Variants in IGF2R observed in about 807,000 individuals in gnomAD.
IGF2R encodes insulin like growth factor 2 receptor.
In IGF2R, 91 loss-of-function variants were observed where a neutral mutation model predicts 270.6. The ratio of observed to expected loss-of-function variants is 0.34; its 90% CI spans 0.28 to 0.40. IGF2R has a LOEUF of 0.40. Ranked by LOEUF, IGF2R falls within the 10% of genes least tolerant of loss-of-function variation. The probability of loss-of-function intolerance (pLI) is 1.00; values close to 1 mark genes in which losing one functional copy is unlikely to be tolerated. For missense variants in IGF2R, 2,805 were observed against 3,188.3 expected, an observed-to-expected ratio of 0.88 and a Z score of 2.90; for synonymous variants, 1,316 against 1,258.9, an observed-to-expected ratio of 1.05 and a Z score of -0.96.
chr6:160,089,658 C>T (rs1235964605), intron 43 of IGF2R, among the ~76,000 whole-genome samples: 1 of 152,234 alleles, frequency 6.6e-6, no homozygotes, highest in Non-Finnish European at 1.5e-5. Context: ...CCGTGTGGTG[C>T]TGGATACGGC....
At chr6:160,033,318 G>A (rs1023567147) in intron 9 of IGF2R, among the ~76,000 whole-genome samples, 2 of 152,200 alleles carry the variant, frequency 1.3e-5, no homozygotes, top group African/African-American at 4.8e-5. Flanking sequence ...TGTAGTTTTT[G>A]TAGACATGGA....
At chr6:160,079,888 A>G (rs537738745) in intron 38 of IGF2R, 101 bp downstream of exon 38, 5 of 1,147,456 alleles carry the variant, frequency 4.4e-6, no homozygotes, top group African/African-American at 3.1e-5. Context: ...CCACGGTCCT[A>G]TGAGTGCTGT....
At chr6:160,096,388 G>C in intron 44 of IGF2R, 51 bp from the exon 45 acceptor site, 1 of 1,539,040 alleles carries the variant, frequency 6.5e-7, no homozygotes, top group South Asian at 1.2e-5. Context: ...AGCTCAGTCT[G>C]CTCGTGAAAA....
At chr6:160,059,166 C>G (rs1778377935) in intron 22 of IGF2R, 68 bp downstream of exon 22, 1 of 1,328,670 alleles carries the variant, frequency 7.5e-7, no homozygotes, top group African/African-American at 1.4e-5. Flanking sequence ...GGCCATGCAC[C>G]TTCCTGAGTG....
Position 159,998,630 on chromosome 6 carries a change from A to G in IGF2R, c.289+7307A>G, listed in dbSNP as rs1468596089. ...TACTATTATAAACCAGCAGTTTCCA[A>G]TCTCATTTTTTCCCCCAGATATGTG... On this transcript the variant is annotated intron_variant, in intron 2 of 47. Transcript: ENST00000356956. The surrounding 1 kb of genome is among the most constrained non-coding windows in gnomAD (Gnocchi z 4.1). Among the ~76,000 whole-genome samples the G allele has an allele frequency of 6.6e-6, 1 of 152,150 alleles. No homozygotes were observed. The highest frequency in any genetic ancestry group is 2.4e-5 in the African/African-American group (1 of 41,424).
intron 2 of IGF2R, among the ~76,000 whole-genome samples, chr6:159,996,370 G>C (rs1784053788): frequency 1.3e-5 from 2 of 152,140 alleles, no homozygotes; most frequent in Non-Finnish European, 2.9e-5. Flanking sequence ...TGTTTAATGG[G>C]GGAAGCTCTG....
chr6:159,988,577 G>A lies in IGF2R; in HGVS notation c.150-2607G>A, dbSNP rs74298102. On this transcript the variant is annotated intron_variant, in intron 1 of 47. Transcript: ENST00000356956. ...TTAGGTACGTGTGGATCTCTTTAGCGTTGATTCCTACCAGTTAACTCATTT... is the reference window on the plus strand; with the variant it reads ...TTAGGTACGTGTGGATCTCTTTAGCATTGATTCCTACCAGTTAACTCATTT... Among the ~76,000 whole-genome samples, 277 of 147,856 alleles carry A rather than the reference G, an allele frequency of 1.9e-3. 4 individuals carry two copies. The highest frequency in any genetic ancestry group is 0.016 in the Admixed American group (234 of 14,828).
At chr6:160,072,706 A>G in intron 32 of IGF2R, 59 bp from the exon 33 acceptor site, 1 of 1,606,032 alleles carries the variant, frequency 6.2e-7, no homozygotes, top group Non-Finnish European at 8.5e-7. Context: ...GCCGATGATG[A>G]GCCTCCCAAG....
chr6:160,057,950 G>A, intron 20 of IGF2R, 73 bp from the exon 21 acceptor site: 1 of 843,104 alleles, frequency 1.2e-6, no homozygotes, highest in South Asian at 1.4e-5. Flanking sequence ...GTTTCTGGAG[G>A]TGCTGTATGT....
chr6:160,088,883 A>G (rs956190342), intron 42 of IGF2R, among the ~76,000 whole-genome samples: 2 of 152,184 alleles, frequency 1.3e-5, no homozygotes, highest in Non-Finnish European at 2.9e-5. Context: ...AAGTGAGTAA[A>G]ATAACCACCC....
At chr6:160,092,350 G>A (rs1478607247) in intron 44 of IGF2R, among the ~76,000 whole-genome samples, 3 of 152,226 alleles carry the variant, frequency 2.0e-5, no homozygotes, top group East Asian at 1.9e-4. Flanking sequence ...GAGTCTTCAC[G>A]CTCCATCGCG....
At chr6:160,096,266 A>G (rs559713472) in intron 44 of IGF2R, 173 bp from the exon 45 acceptor site, 5 of 588,124 alleles carry the variant, frequency 8.5e-6, no homozygotes, top group Admixed American at 3.2e-5. Flanking sequence ...GGCTCTATCC[A>G]TGTGCATCGA....
chr6:160,019,956 C>G (rs1777394980), intron 4 of IGF2R, among the ~76,000 whole-genome samples: 1 of 152,090 alleles, frequency 6.6e-6, no homozygotes, highest in African/African-American at 2.4e-5. Flanking sequence ...GGAAGTCCTA[C>G]CTGGGGCAGT....
intron 2 of IGF2R, among the ~76,000 whole-genome samples, chr6:160,000,714 G>A (rs1171147086): frequency 2.1e-5 from 3 of 141,440 alleles, no homozygotes; most frequent in African/African-American, 8.0e-5. Context: ...GAAGATAATA[G>A]TTGGTGTGAG....
intron 31 of IGF2R, among the ~76,000 whole-genome samples, chr6:160,071,219 G>A (rs1403479965): frequency 7.2e-6 from 1 of 139,836 alleles, no homozygotes; most frequent in African/African-American, 2.7e-5. Flanking sequence ...CAGGAGGCTG[G>A]GAGGGAAGGG....
chr6:160,086,200 A>T (rs1242529195), intron 41 of IGF2R, among the ~76,000 whole-genome samples: 3 of 152,220 alleles, frequency 2.0e-5, no homozygotes, highest in African/African-American at 7.2e-5. Context: ...GGCCACCTCC[A>T]TTTGGAGAGC....
chr6:159,992,804 G>A (rs1428543830), intron 2 of IGF2R, among the ~76,000 whole-genome samples: 1 of 152,158 alleles, frequency 6.6e-6, no homozygotes, highest in Non-Finnish European at 1.5e-5. Context: ...TGGAATGGTA[G>A]TTCTATTTTT....
chr6:160,080,249 A>G lies in IGF2R; in HGVS notation c.5807A>G (p.Asp1936Gly). Residue 1936 changes from aspartate (D) to glycine (G), a missense_variant, in exon 39 of 48, where the codon GAC becomes GGC. Asp to Gly is a moderately conservative substitution (Grantham distance 94). Around this residue, in one of 2 missense-constraint regions of IGF2R, gnomAD observed 1,851 missense variants for 2,207.2 expected, o/e 0.84. Coordinates refer to ENST00000356956, the MANE Select transcript of IGF2R (RefSeq NM_000876.4). ...WCSTTADYDR[D>G]HEWGFCRHSN... ...AGCACAACTGCGGACTACGACAGAG[A>G]CCACGAGTGGGGCTTCTGCAGACAC... 6.2e-7 allele frequency: 1 copy of G among 1,614,112 alleles called. No homozygotes were observed. Among genetic ancestry groups the G allele is most frequent in the Non-Finnish European group, 8.5e-7 (1 of 1,179,994 alleles).
intron 2 of IGF2R, among the ~76,000 whole-genome samples, chr6:159,999,782 T>C (rs552924391): frequency 6.4e-4 from 98 of 152,252 alleles, no homozygotes; most frequent in African/African-American, 2.0e-3. Context: ...CTCCTTTAGA[T>C]CACATACTGA....
Sources: allele counts gnomAD v4.1 joint callset (sites outside exome capture counted in the v4.1 genomes callset), GRCh38; gene constraint gnomAD v4.1.1; regional missense constraint gnomAD v4.1.1; non-coding constraint Gnocchi (gnomAD v3.1); transcripts MANE v1.5; gene names NCBI Gene and HGNC (gene_info 2026-07-23, HGNC 2026-07-21).